Variants in GALNT17 observed in about 807,000 individuals in gnomAD.
GALNT17 encodes UDP-GalNAc:polypeptide N-acetylgalactosaminyltransferase-like 3.
In GALNT17, 29 loss-of-function variants were observed where a neutral mutation model predicts 63.7. The ratio of observed to expected loss-of-function variants is 0.46; its 90% CI spans 0.34 to 0.62. GALNT17 has a LOEUF of 0.62. Ranked by LOEUF, GALNT17 falls within the 20% of genes least tolerant of loss-of-function variation. The pLI is 0.01. For synonymous variants in GALNT17, 305 were observed against 318.3 expected, an observed-to-expected ratio of 0.96 and a Z score of 0.45; for missense variants, 603 against 799.6, an observed-to-expected ratio of 0.75 and a Z score of 2.97.
intron 2 of GALNT17, 23 bp from the exon 3 acceptor site, chr7:71,388,212 A>T: frequency 6.2e-7 from 1 of 1,608,630 alleles, no homozygotes. Context: ...CTGACTCTGC[A>T]TTTCCGATCT....
At chr7:71,228,516 G>A (rs893248545) in intron 1 of GALNT17, among the ~76,000 whole-genome samples, 23 of 152,254 alleles carry the variant, frequency 1.5e-4, no homozygotes, top group African/African-American at 5.3e-4. Flanking sequence ...TCAATACCAC[G>A]GGGCTGAAAT....
At chr7:71,271,321 A>C in intron 1 of GALNT17, among the ~76,000 whole-genome samples, 1 of 152,242 alleles carries the variant, frequency 6.6e-6, no homozygotes, top group East Asian at 1.9e-4. Flanking sequence ...CACGGGGCAC[A>C]GTCTAGCATT....
intron 5 of GALNT17, among the ~76,000 whole-genome samples, chr7:71,542,985 C>T (rs6460667): frequency 0.97 from 146,915 of 150,892 alleles, 71,655 homozygotes; most frequent in East Asian, 1. Context: ...TGTGGGAGGG[C>T]TTCTCAGGAA....
chr7:71,609,243 G>C (rs1339794874), intron 6 of GALNT17, among the ~76,000 whole-genome samples: 11 of 152,174 alleles, frequency 7.2e-5, no homozygotes, highest in Non-Finnish European at 1.2e-4. Flanking sequence ...GTCTGGACTT[G>C]TCTGTGTGGA....
intron 5 of GALNT17, among the ~76,000 whole-genome samples, chr7:71,435,916 AG>A (rs1786952464): frequency 6.7e-6 from 1 of 149,760 alleles, no homozygotes; most frequent in African/African-American, 2.4e-5. Flanking sequence ...CCTACTCGGG[AG>A]GCTGAGGCAG....
At chr7:71,658,133 C>T (rs141723060) in intron 6 of GALNT17, among the ~76,000 whole-genome samples, 30 of 152,292 alleles carry the variant, frequency 2.0e-4, no homozygotes, top group African/African-American at 7.0e-4. Flanking sequence ...TCTTGAACTC[C>T]TGGCCTCAAG....
intron 5 of GALNT17, among the ~76,000 whole-genome samples, chr7:71,492,610 G>T (rs1180965979): frequency 2.0e-5 from 3 of 152,188 alleles, no homozygotes; most frequent in Non-Finnish European, 4.4e-5. Flanking sequence ...AGCTTAGGTG[G>T]CAGGTGGACT....
intron 5 of GALNT17, among the ~76,000 whole-genome samples, chr7:71,557,387 G>C (rs1455778199): frequency 1.3e-5 from 2 of 152,060 alleles, no homozygotes; most frequent in Non-Finnish European, 2.9e-5. Context: ...AGTTGTTCTT[G>C]CATCAGCCCT....
intron 5 of GALNT17, among the ~76,000 whole-genome samples, chr7:71,482,914 A>G (rs1787846514): frequency 6.6e-6 from 1 of 152,160 alleles, no homozygotes; most frequent in Non-Finnish European, 1.5e-5. Flanking sequence ...TGAGAATCTA[A>G]TGTCACTGCT....
chr7:71,471,626 T>G (rs1173294253), intron 5 of GALNT17, among the ~76,000 whole-genome samples: 1 of 152,136 alleles, frequency 6.6e-6, no homozygotes, highest in East Asian at 1.9e-4. Flanking sequence ...GATCCTTCTC[T>G]TCTCCTTTTT....
chr7:71,408,606 A>G (rs532997590), intron 3 of GALNT17, among the ~76,000 whole-genome samples: 1 of 152,320 alleles, frequency 6.6e-6, no homozygotes, highest in South Asian at 2.1e-4. Context: ...GCTCACATCC[A>G]TAATTCCAGA....
chr7:71,583,906 C>T (rs570800933), intron 6 of GALNT17, among the ~76,000 whole-genome samples: 12 of 151,814 alleles, frequency 7.9e-5, no homozygotes, highest in Non-Finnish European at 1.6e-4. Context: ...AGGTGGATCA[C>T]GAGGTCAGGA....
rs1290577537 is a variant in GALNT17 at position 71,162,420 on chromosome 7, CCATCCATCCATCCATT to C, written c.238+29395_238+29410del. Among the ~76,000 whole-genome samples the C allele has an allele frequency of 1.3e-3, 192 of 148,552 alleles. 2 individuals are homozygous for C. Among genetic ancestry groups the C allele is most frequent in the African/African-American group, 4.8e-3 (186 of 38,784 alleles). On this transcript the variant is annotated intron_variant, in intron 1 of 10. Transcript: ENST00000333538. ...GAATTGAGTTCATCCATCCATCCAT[CCATCCATCCATCCATT>C]CATCCATCCATCCAGAATGAGCTAC...
chr7:71,611,834 A>T (rs908007577), intron 6 of GALNT17, among the ~76,000 whole-genome samples: 1 of 152,004 alleles, frequency 6.6e-6, no homozygotes, highest in African/African-American at 2.4e-5. Context: ...AAAGGGATGG[A>T]TGGAAGAAAA....
At chr7:71,547,177 A>T (rs1178618890) in intron 5 of GALNT17, among the ~76,000 whole-genome samples, 2 of 146,122 alleles carry the variant, frequency 1.4e-5, no homozygotes, top group African/African-American at 5.1e-5. Flanking sequence ...TATTATTATT[A>T]TTTTTGAGAA....
chr7:71,545,661 C>A (rs1788971084), intron 5 of GALNT17, among the ~76,000 whole-genome samples: 1 of 152,098 alleles, frequency 6.6e-6, no homozygotes, highest in Non-Finnish European at 1.5e-5. Flanking sequence ...CTGATTTTTA[C>A]TCATTTTGAA....
chr7:71,351,327 ATT>A (rs1184541973), intron 2 of GALNT17, among the ~76,000 whole-genome samples: 1 of 152,102 alleles, frequency 6.6e-6, no homozygotes, highest in African/African-American at 2.4e-5. Flanking sequence ...AGCATGTGGG[ATT>A]GTGGGCAATG....
chr7:71,484,155 A>G (rs1307849622), intron 5 of GALNT17, among the ~76,000 whole-genome samples: 1 of 152,204 alleles, frequency 6.6e-6, no homozygotes, highest in Non-Finnish European at 1.5e-5. Context: ...TAGTGTAGTA[A>G]ATACAGAAAC....
intron 2 of GALNT17, among the ~76,000 whole-genome samples, chr7:71,377,084 T>TAAAAA: frequency 3.2e-5 from 1 of 30,832 alleles, no homozygotes; most frequent in African/African-American, 2.2e-4. Flanking sequence ...ATATTCCATC[T>TAAAAA]CAAAAAAAAA....
Sources: gnomAD v4.1 joint callset for allele counts (sites outside exome capture counted in the v4.1 genomes callset) on GRCh38, gnomAD v4.1.1 for gene constraint, MANE v1.5 for transcripts, NCBI Gene and HGNC (gene_info 2026-07-23, HGNC 2026-07-21) for gene names.